NEK9: variants seen among roughly 807,000 people sequenced by gnomAD.
NEK9 encodes NIMA related kinase 9.
In NEK9, 75 loss-of-function variants were observed where a neutral mutation model predicts 123.4. That is an observed-to-expected ratio of 0.61 (90% CI 0.50 to 0.74). The LOEUF is 0.74. NEK9 is among the 30% of genes least tolerant of loss of function. The probability of loss-of-function intolerance (pLI) is 0.00; values close to 1 mark genes in which losing one functional copy is unlikely to be tolerated. For synonymous variants in NEK9, 438 were observed against 458.7 expected, an observed-to-expected ratio of 0.95 and a Z score of 0.58; for missense variants, 952 against 1,214.4, an observed-to-expected ratio of 0.78 and a Z score of 3.21.
chr14:75,091,420 G>A lies in NEK9; in HGVS notation c.2292C>T (p.Asp764=). ...CAGGAGTTTCAGATTCCTGCTGACT[G>A]TCCTCTTCTTCACCACCGCCGCCCC... is the stretch of plus-strand genomic sequence containing the variant. ...GGGGGGGEEE[D]SQQESETPDP... The change falls in exon 19 of 22, where the codon GAC becomes GAT. Residue 764 remains aspartate (D), a synonymous_variant. Transcript: ENST00000238616. 6.2e-7 allele frequency: 1 copy of A among 1,612,772 alleles called. No homozygotes were observed. Among genetic ancestry groups the A allele is most frequent in the South Asian group, 1.1e-5 (1 of 90,886 alleles).
intron 14 of NEK9, among the ~76,000 whole-genome samples, 185 bp from the exon 15 acceptor site, chr14:75,101,950 T>C (rs569296399): frequency 2.6e-5 from 4 of 152,328 alleles, no homozygotes; most frequent in African/African-American, 9.6e-5. Flanking sequence ...GAATATGTAA[T>C]CAGAGAATGC....
At chr14:75,089,015 C>A (rs1396523172) in intron 19 of NEK9, among the ~76,000 whole-genome samples, 1 of 152,202 alleles carries the variant, frequency 6.6e-6, no homozygotes. Context: ...CCTCTGTTCA[C>A]GCTCCTCAAA....
At chr14:75,118,721 A>G in intron 5 of NEK9, 109 bp downstream of exon 5, 1 of 689,558 alleles carries the variant, frequency 1.5e-6, no homozygotes, top group Non-Finnish European at 2.5e-6. Flanking sequence ...CATTAAAAGT[A>G]TGGAGAACTT....
At chr14:75,095,297 T>C (rs1362886452) in intron 18 of NEK9, 75 bp downstream of exon 18, 23 of 975,258 alleles carry the variant, frequency 2.4e-5, no homozygotes, top group Non-Finnish European at 3.3e-5. Context: ...CCTTTGGGTT[T>C]TGGAGTCTAC....
chr14:75,112,179 G>C (rs1894979071), intron 8 of NEK9, among the ~76,000 whole-genome samples: 1 of 152,178 alleles, frequency 6.6e-6, no homozygotes, highest in Non-Finnish European at 1.5e-5. Context: ...GGGATGTACA[G>C]AATGTATCCA....
At chr14:75,090,358 G>A (rs1395970246) in intron 19 of NEK9, among the ~76,000 whole-genome samples, 1 of 149,906 alleles carries the variant, frequency 6.7e-6, no homozygotes, top group African/African-American at 2.5e-5. Context: ...AAATACAAAT[G>A]GGCAAAGGAA....
At chr14:75,088,960 G>A (rs372780219) in intron 19 of NEK9, among the ~76,000 whole-genome samples, 1 of 152,224 alleles carries the variant, frequency 6.6e-6, no homozygotes, top group South Asian at 2.1e-4. Flanking sequence ...CTGCAACACT[G>A]CTGAAAGCTG....
Position 75,083,252 on chromosome 14 carries a change from G to A in NEK9, c.*1312C>T, listed in dbSNP as rs1893919844. 1 of 397,150 alleles carries A rather than the reference G, an allele frequency of 2.5e-6. No homozygotes were observed. The highest frequency in any genetic ancestry group is 3.6e-5 in the East Asian group (1 of 28,046). 24.6% of individuals were successfully genotyped at this position (397,150 alleles called of 1,614,324 possible). ...CAGGAACATTTTACAAGGCTAGGTG[G>A]AAATACAAAGCTCACATCCTTAAGG... is the stretch of plus-strand genomic sequence containing the variant. On this transcript the variant is annotated 3_prime_UTR_variant, in exon 22 of 22. Coordinates refer to ENST00000238616, the MANE Select transcript of NEK9 (RefSeq NM_033116.6).
At chr14:75,120,968 G>T (rs1895311064) in intron 3 of NEK9, 151 bp downstream of exon 3, 1 of 724,462 alleles carries the variant, frequency 1.4e-6, no homozygotes, top group African/African-American at 1.7e-5. Flanking sequence ...TTCCTTGTTA[G>T]AGGTTTCCTT....
At chr14:75,096,776 C>T in intron 17 of NEK9, 1 of 183,330 alleles carries the variant, frequency 5.5e-6, no homozygotes, top group Non-Finnish European at 1.1e-5. Context: ...CGAGATCACA[C>T]CATAGCACTC....
rs1487390218 is a variant in NEK9, at chr14:75,079,403, TAA to T, written c.*5159_*5160del. On this transcript the variant is annotated 3_prime_UTR_variant, in exon 22 of 22. Transcript: ENST00000238616. ...CCAAAGGAAAGGAGGTATCACATAA[TAA>T]AGCTTTATGGTTAGCCCCTTAAGGA... 1.3e-5 allele frequency: 2 copies of T among 152,114 alleles called. No homozygotes were observed. Among genetic ancestry groups the T allele is most frequent in the African/African-American group, 4.8e-5 (2 of 41,414 alleles). 9.4% of individuals were successfully genotyped at this position (152,114 alleles called of 1,614,324 possible).
intron 9 of NEK9, 131 bp from the exon 10 acceptor site, chr14:75,110,008 GTT>G: frequency 1.1e-6 from 1 of 926,742 alleles, no homozygotes; most frequent in Non-Finnish European, 1.6e-6. Context: ...TCGACAACTT[GTT>G]TCAATGTGCT....
rs537129491 is a variant in NEK9 at position 75,106,074 on chromosome 14, T to G, written c.1529-78A>C. 93 of 1,359,628 alleles carry G rather than the reference T, an allele frequency of 6.8e-5. 1 individual carries two copies. The highest frequency in any genetic ancestry group is 5.4e-4 in the South Asian group (46 of 84,886). 84.2% of individuals were successfully genotyped at this position (1,359,628 alleles called of 1,614,324 possible). Reference sequence around the variant, plus strand: ...GAATAGGTTCTGTAAGATTCTCTTTTGCCAGGTGCGGTGGCTCACACCTGT... The same window carrying G: ...GAATAGGTTCTGTAAGATTCTCTTTGGCCAGGTGCGGTGGCTCACACCTGT... On this transcript the variant is annotated intron_variant, in intron 12 of 21. Transcript: ENST00000238616.
chr14:75,114,790 C>A (rs1236584396), intron 6 of NEK9, among the ~76,000 whole-genome samples: 4 of 152,100 alleles, frequency 2.6e-5, no homozygotes, highest in African/African-American at 7.2e-5. Context: ...GAGACTACTA[C>A]AAACTAGACA....
chr14:75,108,514 CGTGTGTGTGT>C (rs35358755), intron 10 of NEK9, among the ~76,000 whole-genome samples: 11 of 147,916 alleles, frequency 7.4e-5, no homozygotes, highest in South Asian at 4.3e-4. Flanking sequence ...TGTGCGTGTG[CGTGTGTGTGT>C]GTGTGTGTGT....
chr14:75,080,032 A>C lies in NEK9; in HGVS notation c.*4532T>G, dbSNP rs560035159. 6.6e-6 allele frequency: 1 copy of C among 152,308 alleles called. No individual in the cohort carries two copies. Among genetic ancestry groups the C allele is most frequent in the African/African-American group, 2.4e-5 (1 of 41,568 alleles). 9.4% of individuals were successfully genotyped at this position (152,308 alleles called of 1,614,324 possible). A position where few individuals can be genotyped will look rare whatever the true frequency, so the allele number is the denominator to read the frequency against. On this transcript the variant is annotated 3_prime_UTR_variant, in exon 22 of 22. Transcript: ENST00000238616. ...CTCTACATGTTTAGGCCTTGGTTATATTAGAAATATCTTTCAAGGCCGAGC... is the reference window on the plus strand; with the variant it reads ...CTCTACATGTTTAGGCCTTGGTTATCTTAGAAATATCTTTCAAGGCCGAGC...
In NEK9 at chr14:75,095,122, T is replaced by G. The variant is rs935310122; in HGVS notation, c.2233+250A>C. On this transcript the variant is annotated intron_variant, in intron 18 of 21. Transcript: ENST00000238616. ...GAATAATACATAAGTCATATTACAG[T>G]ACTGGGCAAGCTACTTAATTACTTG... Among the ~76,000 whole-genome samples, 13 of 152,344 alleles carry G rather than the reference T, an allele frequency of 8.5e-5. No homozygotes were observed. In the East Asian group the frequency reaches 2.1e-3, roughly 25 times the overall value.
At chr14:75,121,477 T>C (rs1341187223) in intron 2 of NEK9, among the ~76,000 whole-genome samples, 4 of 152,238 alleles carry the variant, frequency 2.6e-5, no homozygotes, top group Non-Finnish European at 2.9e-5. Context: ...ATATTCAAAA[T>C]CAGATTTCTT....
intron 19 of NEK9, among the ~76,000 whole-genome samples, chr14:75,089,829 G>C (rs1894153282): frequency 6.6e-6 from 1 of 152,156 alleles, no homozygotes; most frequent in Non-Finnish European, 1.5e-5. Flanking sequence ...CTCCTGAGCA[G>C]CTGGGACTAC....
Sources: allele counts gnomAD v4.1 joint callset (sites outside exome capture counted in the v4.1 genomes callset), GRCh38; gene constraint gnomAD v4.1.1; transcripts MANE v1.5; gene names NCBI Gene and HGNC (gene_info 2026-07-23, HGNC 2026-07-21).